The following PLXNA4 variants were observed in gnomAD, a reference collection of about 807,000 sequenced individuals.
The protein encoded by PLXNA4 is plexin-A4.
Under a neutral mutation model 191.8 loss-of-function variants are expected in PLXNA4, and 44 were observed. The observed-to-expected ratio is 0.23, with a 90% CI of 0.18 to 0.29. The LOEUF is 0.29. PLXNA4 is among the 10% of genes least tolerant of loss of function. The probability of loss-of-function intolerance (pLI) is 1.00; values close to 1 mark genes in which losing one functional copy is unlikely to be tolerated. For missense variants in PLXNA4, 1,800 were observed against 2,488.8 expected, an observed-to-expected ratio of 0.72 and a Z score of 5.89; for synonymous variants, 1,082 against 1,009.5, an observed-to-expected ratio of 1.07 and a Z score of -1.36.
intron 25 of PLXNA4, among the ~76,000 whole-genome samples, 198 bp downstream of exon 25, chr7:132,159,275 A>G (rs539855147): frequency 1.8e-4 from 27 of 152,178 alleles, no homozygotes; most frequent in Admixed American, 1.8e-3. Flanking sequence ...CTGTTCACTG[A>G]CCAGCTCTGG....
intron 2 of PLXNA4, among the ~76,000 whole-genome samples, chr7:132,585,123 A>G (rs544278069): frequency 6.6e-6 from 1 of 152,252 alleles, no homozygotes; most frequent in African/African-American, 2.4e-5. Flanking sequence ...CCAGTATCCT[A>G]CTTGGCCAGA....
chr7:132,478,116 G>T (rs1294239220), intron 3 of PLXNA4, among the ~76,000 whole-genome samples: 4 of 152,110 alleles, frequency 2.6e-5, no homozygotes, highest in African/African-American at 4.8e-5. Flanking sequence ...TGCCACACTA[G>T]CTCTACTTAA....
intron 3 of PLXNA4, among the ~76,000 whole-genome samples, chr7:132,309,635 T>C (rs1801653353): frequency 6.6e-6 from 1 of 152,086 alleles, no homozygotes; most frequent in South Asian, 2.1e-4. Context: ...ACAGTCCATG[T>C]TCCTCTCCTG....
At chr7:132,460,429 T>C (rs1796466446) in intron 3 of PLXNA4, among the ~76,000 whole-genome samples, 1 of 151,774 alleles carries the variant, frequency 6.6e-6, no homozygotes, top group African/African-American at 2.4e-5. Flanking sequence ...AATAGCTGCA[T>C]GGAAAAAATT....
chr7:132,243,001 T>C (rs778516813), intron 4 of PLXNA4, among the ~76,000 whole-genome samples: 2 of 152,146 alleles, frequency 1.3e-5, no homozygotes, highest in African/African-American at 2.4e-5. Flanking sequence ...AATTCATGAG[T>C]GGTAATGAGG....
intron 4 of PLXNA4, among the ~76,000 whole-genome samples, chr7:132,252,801 G>A (rs1799301464): frequency 6.6e-6 from 1 of 152,188 alleles, no homozygotes; most frequent in Non-Finnish European, 1.5e-5. Flanking sequence ...ATGTAGTAAT[G>A]TCTGTTTGGA....
chr7:132,295,266 A>G (rs1801035105), intron 4 of PLXNA4, among the ~76,000 whole-genome samples: 1 of 152,204 alleles, frequency 6.6e-6, no homozygotes, highest in Admixed American at 6.5e-5. Flanking sequence ...GCAGCAAGAG[A>G]GACAAGGAAG....
intron 2 of PLXNA4, among the ~76,000 whole-genome samples, chr7:132,633,293 T>C (rs1198107194): frequency 6.6e-6 from 1 of 151,392 alleles, no homozygotes; most frequent in Non-Finnish European, 1.5e-5. Context: ...TTTTTTTTTT[T>C]TTTTTTTTAA....
At chr7:132,152,903 C>T (rs966187100) in intron 25 of PLXNA4, among the ~76,000 whole-genome samples, 1 of 152,222 alleles carries the variant, frequency 6.6e-6, no homozygotes, top group Non-Finnish European at 1.5e-5. Flanking sequence ...GGTGAGAATC[C>T]AGGTCCAGGA....
chr7:132,424,166 G>A (rs1439699469), intron 3 of PLXNA4, among the ~76,000 whole-genome samples: 1 of 152,162 alleles, frequency 6.6e-6, no homozygotes, highest in Non-Finnish European at 1.5e-5. Context: ...GCCCCAGGAA[G>A]AGGAGCAGGG....
intron 21 of PLXNA4, among the ~76,000 whole-genome samples, chr7:132,171,797 C>T (rs149406531): frequency 6.6e-6 from 1 of 152,296 alleles, no homozygotes; most frequent in Non-Finnish European, 1.5e-5. Flanking sequence ...AGGAAAACTC[C>T]ATCACCTCTG....
At chr7:132,405,751 T>C (rs958892949) in intron 3 of PLXNA4, among the ~76,000 whole-genome samples, 1 of 152,216 alleles carries the variant, frequency 6.6e-6, no homozygotes, top group Non-Finnish European at 1.5e-5. Flanking sequence ...AGAGAGCATC[T>C]GGATTCCTTA....
At chr7:132,136,108 G>A (rs551200002) in intron 30 of PLXNA4, among the ~76,000 whole-genome samples, 2 of 152,020 alleles carry the variant, frequency 1.3e-5, no homozygotes, top group Non-Finnish European at 2.9e-5. Flanking sequence ...GACCCCTCCT[G>A]CTCCCCCACT....
intron 3 of PLXNA4, among the ~76,000 whole-genome samples, chr7:132,454,433 C>T (rs1452433146): frequency 1.3e-5 from 2 of 152,068 alleles, no homozygotes; most frequent in African/African-American, 4.8e-5. Context: ...GGCTTGGGTT[C>T]TGTGAGGGGC....
chr7:132,612,049 T>C (rs1803057628), intron 2 of PLXNA4, among the ~76,000 whole-genome samples: 3 of 148,366 alleles, frequency 2.0e-5, no homozygotes, highest in African/African-American at 7.5e-5. Context: ...CTCCTGCTAT[T>C]ACACCATCTT....
chr7:132,355,569 G>A (rs1803665143), intron 3 of PLXNA4, among the ~76,000 whole-genome samples: 1 of 152,138 alleles, frequency 6.6e-6, no homozygotes, highest in Non-Finnish European at 1.5e-5. Context: ...TATTTCCCTG[G>A]TACTAACCAT....
intron 3 of PLXNA4, among the ~76,000 whole-genome samples, chr7:132,406,650 C>T (rs1431232771): frequency 2.0e-5 from 3 of 152,078 alleles, no homozygotes; most frequent in Non-Finnish European, 2.9e-5. Flanking sequence ...AGAAAAGGTC[C>T]AGGGTTTACC....
At chr7:132,210,800 C>G (rs1456592123) in intron 10 of PLXNA4, 143 bp downstream of exon 10, 1 of 909,320 alleles carries the variant, frequency 1.1e-6, no homozygotes, top group African/African-American at 1.6e-5. Context: ...GATGTGCCAG[C>G]AGGCATGGGG....
chr7:132,435,750 C>T (rs1262720780), intron 3 of PLXNA4, among the ~76,000 whole-genome samples: 1 of 152,200 alleles, frequency 6.6e-6, no homozygotes, highest in Non-Finnish European at 1.5e-5. Context: ...TGACCATCCA[C>T]AGCACGTCCA....
Sources: allele counts gnomAD v4.1 joint callset (sites outside exome capture counted in the v4.1 genomes callset), GRCh38; gene constraint gnomAD v4.1.1; transcripts MANE v1.5; gene names NCBI Gene and HGNC (gene_info 2026-07-23, HGNC 2026-07-21).